TNIK: variants seen among roughly 807,000 people sequenced by gnomAD.
The protein encoded by TNIK is TRAF2 and NCK interacting kinase, also known as TRAF2 and NCK-interacting protein kinase.
A neutral mutation model predicts 191.3 loss-of-function variants in TNIK; 49 were observed. The ratio of observed to expected loss-of-function variants is 0.26; its 90% confidence interval spans 0.20 to 0.32. The LOEUF (loss-of-function observed/expected upper bound fraction) is 0.32, where lower values mean the gene tolerates loss of function less well. Among genes scored for constraint, TNIK ranks in the 10% least tolerant of loss-of-function variants. TNIK has a pLI of 1.00. For missense variants in TNIK, 1,155 were observed against 1,702.3 expected, an observed-to-expected ratio of 0.68 and a Z score of 5.66; for synonymous variants, 594 against 600.9, an observed-to-expected ratio of 0.99 and a Z score of 0.17.
chr3:171,260,111 G>GC (rs1356823225), intron 2 of TNIK, among the ~76,000 whole-genome samples: 4 of 151,960 alleles, frequency 2.6e-5, no homozygotes, highest in Non-Finnish European at 5.9e-5. Context: ...CCTCCACCAT[G>GC]CCCCAGGTGA....
chr3:171,117,769 G>T (rs1257211121), intron 18 of TNIK, among the ~76,000 whole-genome samples: 1 of 152,124 alleles, frequency 6.6e-6, no homozygotes, highest in Non-Finnish European at 1.5e-5. Flanking sequence ...AGGAGATCGA[G>T]ATCATCCTGG....
intron 15 of TNIK, among the ~76,000 whole-genome samples, chr3:171,136,908 T>C (rs774170708): frequency 6.6e-6 from 1 of 152,132 alleles, no homozygotes; most frequent in East Asian, 1.9e-4. Context: ...AAGAGGCAGA[T>C]GTTAGAGACA....
intron 2 of TNIK, among the ~76,000 whole-genome samples, chr3:171,286,650 C>CA (rs1751043586): frequency 1.3e-5 from 2 of 152,236 alleles, no homozygotes; most frequent in South Asian, 4.2e-4. Context: ...AACAAACAAA[C>CA]AAGAAGTAGA....
At chr3:171,141,466 AAGG>A (rs1730826849) in intron 12 of TNIK, among the ~76,000 whole-genome samples, 1 of 152,218 alleles carries the variant, frequency 6.6e-6, no homozygotes, top group African/African-American at 2.4e-5. Context: ...ACTCTCAGGA[AAGG>A]AGAACATTTT....
chr3:171,426,842 T>C (rs994302121), intron 1 of TNIK, among the ~76,000 whole-genome samples: 1 of 151,892 alleles, frequency 6.6e-6, no homozygotes, highest in Non-Finnish European at 1.5e-5. Flanking sequence ...GTCGCTGGAG[T>C]TGGAGAGGTC....
rs892132497 is a variant in TNIK, at chr3:171,059,357, G to C, written c.*4524C>G. Among the ~76,000 whole-genome samples, 2 of 152,080 alleles carry C rather than the reference G, an allele frequency of 1.3e-5. No individual in the cohort carries two copies. Among genetic ancestry groups the C allele is most frequent in the Non-Finnish European group, 2.9e-5 (2 of 67,998 alleles). On this transcript the variant is annotated 3_prime_UTR_variant, in exon 33 of 33. Coordinates refer to ENST00000436636, the MANE Select transcript of TNIK (RefSeq NM_015028.4). ...TGCTTTTATGGGGATTTTTATTTTG[G>C]TATATTCTGGCACTTCCTGGAATGG...
chr3:171,313,224 C>G (rs1191340191), intron 2 of TNIK, among the ~76,000 whole-genome samples: 1 of 151,308 alleles, frequency 6.6e-6, no homozygotes, highest in African/African-American at 2.4e-5. Context: ...TTGTGATACT[C>G]TCTACCAACA....
intron 12 of TNIK, among the ~76,000 whole-genome samples, chr3:171,155,402 G>A (rs575614547): frequency 1.3e-5 from 2 of 152,340 alleles, no homozygotes; most frequent in South Asian, 4.1e-4. Flanking sequence ...ATAAGATGAA[G>A]GATCAAAAGA....
chr3:171,323,074 G>C (rs544124754), intron 2 of TNIK, among the ~76,000 whole-genome samples: 1 of 80,582 alleles, frequency 1.2e-5, no homozygotes, highest in African/African-American at 5.6e-5. Flanking sequence ...TCATTCCTTT[G>C]TGTATTGTCT....
intron 2 of TNIK, among the ~76,000 whole-genome samples, chr3:171,264,184 T>C (rs1748092411): frequency 6.7e-6 from 1 of 150,068 alleles, no homozygotes; most frequent in Non-Finnish European, 1.5e-5. Context: ...CCTCTAATAA[T>C]GGCTCTTGTC....
At chr3:171,169,272 TA>T (rs1050836529) in intron 9 of TNIK, among the ~76,000 whole-genome samples, 15 of 152,012 alleles carry the variant, frequency 9.9e-5, no homozygotes, top group African/African-American at 2.9e-4. Context: ...TTATTATCAT[TA>T]TTTTTTTTTT....
At chr3:171,421,646 G>A (rs961588580) in intron 1 of TNIK, among the ~76,000 whole-genome samples, 7 of 151,586 alleles carry the variant, frequency 4.6e-5, no homozygotes, top group Non-Finnish European at 8.8e-5. Context: ...TGCTAACCTC[G>A]GAGCCAGGCT....
intron 2 of TNIK, among the ~76,000 whole-genome samples, chr3:171,230,048 G>A (rs915342112): frequency 7.9e-5 from 12 of 152,238 alleles, no homozygotes; most frequent in African/African-American, 2.9e-4. Context: ...CAGTGAGTGG[G>A]TATCAGCACT....
Position 171,101,625 on chromosome 3 carries a change from C to T in TNIK, c.2415G>A (p.Thr805=), listed in dbSNP as rs762222394. 15 of 1,612,168 alleles carry T rather than the reference C, an allele frequency of 9.3e-6. No homozygotes were observed. The highest frequency in any genetic ancestry group is 2.2e-5 in the East Asian group (1 of 44,852). ...SYKKAIDEDL[T]ALAKELRELR... Reference sequence around the variant, plus strand: ...GTTCTCTTAGTTCTTTGGCTAATGCCGTCAGATCCTATGAAAGAAAAATTT... The same window carrying T: ...GTTCTCTTAGTTCTTTGGCTAATGCTGTCAGATCCTATGAAAGAAAAATTT... The change falls in exon 22 of 33, where the codon ACG becomes ACA. Residue 805 remains threonine (T), a synonymous_variant. Transcript: ENST00000436636.
intron 3 of TNIK, among the ~76,000 whole-genome samples, chr3:171,213,144 C>T (rs1358069237): frequency 6.6e-6 from 1 of 152,080 alleles, no homozygotes; most frequent in Non-Finnish European, 1.5e-5. Flanking sequence ...GAATGACCTT[C>T]GCCAGCCCTC....
chr3:171,182,462 AAG>A (rs1035180850), intron 7 of TNIK, among the ~76,000 whole-genome samples: 2 of 152,158 alleles, frequency 1.3e-5, no homozygotes, highest in African/African-American at 4.8e-5. Context: ...AAGAGTCAGA[AAG>A]AGATAAGTTT....
chr3:171,198,689 T>C lies in TNIK; in HGVS notation c.307-4054A>G, dbSNP rs113106373. ...GGGCTAGTTTTGGGTGCATAGGTGT[T>C]CATTATACTGTTCTGCCTATTTTTG... is the stretch of plus-strand genomic sequence containing the variant. On this transcript the variant is annotated intron_variant, in intron 4 of 32. Transcript: ENST00000436636. Among the ~76,000 whole-genome samples, 798 of 152,326 alleles carry C rather than the reference T, an allele frequency of 5.2e-3. 6 individuals carry two copies. Among genetic ancestry groups the C allele is most frequent in the Admixed American group, 0.013 (192 of 15,292 alleles).
intron 2 of TNIK, among the ~76,000 whole-genome samples, chr3:171,273,424 T>C (rs915307137): frequency 6.6e-6 from 1 of 152,176 alleles, no homozygotes; most frequent in Non-Finnish European, 1.5e-5. Context: ...TGCATTGTGC[T>C]GCCTGGGGCT....
intron 19 of TNIK, among the ~76,000 whole-genome samples, chr3:171,109,462 G>A (rs369344951): frequency 1.3e-4 from 20 of 152,196 alleles, no homozygotes; most frequent in Admixed American, 1.3e-4. Flanking sequence ...ATCCAGAGAC[G>A]TGAACATCAA....
Sources: allele counts gnomAD v4.1 joint callset (sites outside exome capture counted in the v4.1 genomes callset), GRCh38; gene constraint gnomAD v4.1.1; transcripts MANE v1.5; gene names NCBI Gene and HGNC (gene_info 2026-07-23, HGNC 2026-07-21).